Variants in ZDBF2 observed in about 807,000 individuals in gnomAD.
ZDBF2 encodes the protein DBF4-type zinc finger-containing protein 2.
A neutral mutation model predicts 9.4 loss-of-function variants in ZDBF2; 6 were observed. The ratio of observed to expected loss-of-function variants is 0.64; its 90% CI spans 0.35 to 1.27. ZDBF2 has a LOEUF of 1.27. Ranked by LOEUF, ZDBF2 falls within the 50% of genes most tolerant of loss-of-function variation. ZDBF2 has a pLI of 0.03. For synonymous variants in ZDBF2, 905 were observed against 946.3 expected, an observed-to-expected ratio of 0.96 and a Z score of 0.80; for missense variants, 2,697 against 2,766.8, an observed-to-expected ratio of 0.97 and a Z score of 0.57.
intron 3 of ZDBF2, among the ~76,000 whole-genome samples, chr2:206,284,618 C>T (rs1400141693): frequency 6.6e-6 from 1 of 152,168 alleles, no homozygotes; most frequent in Non-Finnish European, 1.5e-5. Context: ...GACTTCTTCC[C>T]AGCTTCTAGT....
chr2:206,298,112 G>T (rs373534229), intron 4 of ZDBF2, among the ~76,000 whole-genome samples: 41 of 152,206 alleles, frequency 2.7e-4, no homozygotes, highest in African/African-American at 9.6e-4. Context: ...GTAGCCAAAA[G>T]AATTGGGTTT....
rs1313406546 is a variant in ZDBF2 at position 206,274,961 on chromosome 2, G to GGGGGCGGGGCGCGGCC, written c.-103+22_-103+37dup. 6.0e-5 allele frequency: 9 copies of GGGGGCGGGGCGCGGCC among 150,174 alleles called. No homozygotes were observed. The highest frequency in any genetic ancestry group is 3.9e-4 in the East Asian group (2 of 5,130). The allele number at this position is 150,174 out of a possible 1,614,324, so 9.3% of individuals were successfully genotyped here. ...CCTCCGCGGAGGTGAGTGCCGCGGCGGGGGCGGGGCGCGGCCGGGGCGACG... is the reference window on the plus strand; with the variant it reads ...CCTCCGCGGAGGTGAGTGCCGCGGCGGGGGCGGGGCGCGGCCGGGGCGGGGCGCGGCCGGGGCGACG... On this transcript the variant is annotated intron_variant, in intron 1 of 4. Coordinates refer to ENST00000374423, the MANE Select transcript of ZDBF2 (RefSeq NM_020923.3).
chr2:206,307,648 A>G lies in ZDBF2; in HGVS notation c.3120A>G (p.Glu1040=). ...AGAATGATAAATGTAGTGGTTCTGA[A>G]ATAATTTTGGATTCTAATGTTCCAC... is the stretch of plus-strand genomic sequence containing the variant. The part of the protein sequence containing the change: ...ENKNDKCSGS[E]IILDSNVPPQ... Residue 1040 remains glutamate (E), a synonymous_variant, in exon 5 of 5, where the codon GAA becomes GAG. Coordinates refer to ENST00000374423, the MANE Select transcript of ZDBF2 (RefSeq NM_020923.3). 1 of 1,612,158 alleles carries G rather than the reference A, an allele frequency of 6.2e-7. No individual in the cohort carries two copies. The highest frequency in any genetic ancestry group is 8.5e-7 in the Non-Finnish European group (1 of 1,179,332).
At chr2:206,294,952 A>C (rs1426944059) in intron 3 of ZDBF2, among the ~76,000 whole-genome samples, 1 of 152,192 alleles carries the variant, frequency 6.6e-6, no homozygotes, top group Non-Finnish European at 1.5e-5. Context: ...ATCACCAGGC[A>C]GTCTAACTCT....
intron 1 of ZDBF2, among the ~76,000 whole-genome samples, chr2:206,275,695 A>T (rs1362123778): frequency 6.6e-6 from 1 of 151,998 alleles, no homozygotes; most frequent in Admixed American, 6.5e-5. Context: ...TTTTTACAGC[A>T]ATATGCTACG....
chr2:206,295,725 A>C (rs1416872583), intron 3 of ZDBF2, among the ~76,000 whole-genome samples: 1 of 151,970 alleles, frequency 6.6e-6, no homozygotes, highest in Non-Finnish European at 1.5e-5. Context: ...AATGGGGACG[A>C]TATTCTTACT....
chr2:206,297,651 A>G (rs1044200038), intron 4 of ZDBF2, among the ~76,000 whole-genome samples: 8 of 152,030 alleles, frequency 5.3e-5, no homozygotes, highest in African/African-American at 2.4e-5. Context: ...AGGATTAAGC[A>G]GGGGGAAAAG....
At chr2:206,294,697 C>G (rs950298467) in intron 3 of ZDBF2, among the ~76,000 whole-genome samples, 1 of 152,116 alleles carries the variant, frequency 6.6e-6, no homozygotes, top group African/African-American at 2.4e-5. Flanking sequence ...ATCTTTATGT[C>G]CACATGTACC....
chr2:206,286,460 G>A (rs1451064013), intron 3 of ZDBF2, among the ~76,000 whole-genome samples: 1 of 151,776 alleles, frequency 6.6e-6, no homozygotes, highest in East Asian at 1.9e-4. Flanking sequence ...TTGACTTAAA[G>A]TCTGTTTTAT....
chr2:206,275,571 A>G lies in ZDBF2; in HGVS notation c.-103+625A>G, dbSNP rs146403207. On this transcript the variant is annotated intron_variant, in intron 1 of 4. Transcript: ENST00000374423. ...AAGGGCCTTACCAGCTCCTGCGATTATCTCACGCGATGATTCTTGGTAGCT... is the reference window on the plus strand; with the variant it reads ...AAGGGCCTTACCAGCTCCTGCGATTGTCTCACGCGATGATTCTTGGTAGCT... Among the ~76,000 whole-genome samples the G allele has an allele frequency of 1.7e-3, 266 of 152,312 alleles. 2 individuals are homozygous for G. The highest frequency in any genetic ancestry group is 2.5e-3 in the Non-Finnish European group (168 of 68,024).
At chr2:206,278,355 A>G (rs1262310314) in intron 1 of ZDBF2, among the ~76,000 whole-genome samples, 1 of 152,226 alleles carries the variant, frequency 6.6e-6, no homozygotes, top group Non-Finnish European at 1.5e-5. Context: ...ATTCTCCAGT[A>G]TTTTAGGAAA....
chr2:206,282,841 C>A (rs1271998019), intron 3 of ZDBF2, among the ~76,000 whole-genome samples: 3 of 152,268 alleles, frequency 2.0e-5, no homozygotes, highest in Admixed American at 2.0e-4. Context: ...TAAAAGGAAA[C>A]CCTGTACGCA....
At chr2:206,295,269 A>G (rs1329603493) in intron 3 of ZDBF2, among the ~76,000 whole-genome samples, 1 of 152,168 alleles carries the variant, frequency 6.6e-6, no homozygotes, top group Non-Finnish European at 1.5e-5. Context: ...GAAAGAGGAT[A>G]AGCTTCAGAG....
rs200920419 is a variant in ZDBF2 at position 206,310,307 on chromosome 2, C to T, written c.5779C>T (p.Pro1927Ser). Residue 1927 changes from proline (P) to serine (S), a missense_variant, in exon 5 of 5, where the codon CCT (proline) becomes TCT (serine). By Grantham distance (74) the Pro-to-Ser change is moderately conservative. This residue lies in a region of ZDBF2 where 1,783 missense variants were observed against 1,776.5 expected (regional missense o/e 1.00). Transcript: ENST00000374423. ...TCGTCATCCTCCAGCAGAGAGGCCT[C>T]CTAAGCAAAAGGGGCGTGTGGCTTC... is the stretch of plus-strand genomic sequence containing the variant. The part of the protein sequence containing the change: ...CHRHPPAERP[P>S]KQKGRVASQC... 2 of 1,613,914 alleles carry T rather than the reference C, an allele frequency of 1.2e-6. No individual in the cohort carries two copies. Among genetic ancestry groups the T allele is most frequent in the Admixed American group, 1.7e-5 (1 of 60,002 alleles).
Position 206,281,050 on chromosome 2 carries a change from T to C in ZDBF2, c.-49-751T>C, listed in dbSNP as rs186820683. Among the ~76,000 whole-genome samples, 528 of 152,314 alleles carry C rather than the reference T, an allele frequency of 3.5e-3. 2 individuals carry two copies. Among genetic ancestry groups the C allele is most frequent in the Non-Finnish European group, 6.0e-3 (405 of 68,006 alleles). ...AAATTACTGGGGGAATTTTAAAAAT[T>C]CTGAATCCTAGGCTCACCCTAGCTC... On this transcript the variant is annotated intron_variant, in intron 2 of 4. Coordinates refer to ENST00000374423, the MANE Select transcript of ZDBF2 (RefSeq NM_020923.3).
intron 3 of ZDBF2, among the ~76,000 whole-genome samples, chr2:206,289,804 A>C (rs1322232967): frequency 6.6e-6 from 1 of 152,054 alleles, no homozygotes; most frequent in East Asian, 1.9e-4. Flanking sequence ...CAAGGTGTTA[A>C]TGGGGGTTGG....
chr2:206,290,769 A>G (rs548289547), intron 3 of ZDBF2, among the ~76,000 whole-genome samples: 3 of 152,094 alleles, frequency 2.0e-5, no homozygotes, highest in Non-Finnish European at 2.9e-5. Context: ...AGGATTTTCT[A>G]TGTACTACAT....
In ZDBF2 at chr2:206,307,764, A is replaced by G. The variant is rs1489915163; in HGVS notation, c.3236A>G (p.Lys1079Arg). The G allele has an allele frequency of 6.2e-7, 1 of 1,611,572 alleles. No homozygotes were observed. Among genetic ancestry groups the G allele is most frequent in the East Asian group, 2.2e-5 (1 of 44,860 alleles). Residue 1079 changes from lysine (K) to arginine (R), a missense_variant, in exon 5 of 5, where the codon AAA (lysine) becomes AGA (arginine). Physicochemically the swap from Lys to Arg is conservative, Grantham distance 26 (BLOSUM62 2). Transcript: ENST00000374423. Reference sequence around the variant, plus strand: ...AAAAACAGTAAATCAGGTGATTCTAAAATAACTTTTGATTCTGAACAACTT... The same window carrying G: ...AAAAACAGTAAATCAGGTGATTCTAGAATAACTTTTGATTCTGAACAACTT... ...KDKNSKSGDSKITFDSEQLQE... is the reference protein window; with the variant it reads ...KDKNSKSGDSRITFDSEQLQE...
chr2:206,293,327 C>G (rs761583575), intron 3 of ZDBF2, among the ~76,000 whole-genome samples: 1 of 152,064 alleles, frequency 6.6e-6, no homozygotes, highest in Non-Finnish European at 1.5e-5. Context: ...TATGATTTGG[C>G]TACATGTTGT....
Sources: allele counts gnomAD v4.1 joint callset (sites outside exome capture counted in the v4.1 genomes callset), GRCh38; gene constraint gnomAD v4.1.1; regional missense constraint gnomAD v4.1.1; transcripts MANE v1.5; gene names NCBI Gene and HGNC (gene_info 2026-07-23, HGNC 2026-07-21).